The following LAMA2 variants were observed in gnomAD, a reference collection of about 807,000 sequenced individuals.
The protein encoded by LAMA2 is laminin subunit alpha-2.
A neutral mutation model predicts 364.8 loss-of-function variants in LAMA2; 269 were observed. That is an observed-to-expected ratio of 0.74 (90% CI 0.67 to 0.82). The LOEUF (loss-of-function observed/expected upper bound fraction) is 0.82, where lower values mean the gene tolerates loss of function less well. Ranked by LOEUF, LAMA2 falls within the 40% of genes least tolerant of loss-of-function variation. The pLI, the probability that LAMA2 is intolerant of heterozygous loss-of-function variation, is 0.00. For synonymous variants in LAMA2, 1,379 were observed against 1,370.6 expected (o/e 1.01, Z -0.14); for missense variants, 3,807 against 3,873.2 (o/e 0.98, Z 0.45).
At chr6:129,247,052 T>C (rs1716192459) in intron 12 of LAMA2, among the ~76,000 whole-genome samples, 2 of 151,628 alleles carry the variant, frequency 1.3e-5, no homozygotes, top group South Asian at 2.1e-4. Flanking sequence ...GATTGTGGAG[T>C]TGAAGGAAAA....
At position 129,401,290 on chromosome 6, in the gene LAMA2, A is replaced by G. The variant is rs771138153; in HGVS notation, c.5512A>G (p.Ile1838Val). 11 of 1,613,022 alleles carry G rather than the reference A, an allele frequency of 6.8e-6. No homozygotes were observed. The highest frequency in any genetic ancestry group is 1.3e-5 in the African/African-American group (1 of 74,902). Residue 1838 changes from isoleucine to valine, a missense_variant, in exon 38 of 65, where the codon ATA (isoleucine) becomes GTA (valine). Ile to Val is a conservative substitution (Grantham distance 29). Around this residue, in one of 3 missense-constraint regions of LAMA2, gnomAD observed 3,333 missense variants for 3,345.7 expected, o/e 1.00. Transcript: ENST00000421865. ...GAACACTTTAAAAGAGGGCAATGAC[A>G]TACTCGATGAAGCCAACCGTCTTGC... ...IENTLKEGND[I>V]LDEANRLADE...
rs140654844 is a variant in LAMA2, at chr6:129,284,379, T to G, written c.2538-3468T>G. ...GGGCCTAATCTGAGTTGGTTGCCCT[T>G]TTGTGTGCTGCCATAATAGCATTTG... is the stretch of plus-strand genomic sequence containing the variant. On this transcript the variant is annotated intron_variant, in intron 18 of 64. Transcript: ENST00000421865. Among the ~76,000 whole-genome samples, 530 of 152,214 alleles carry G rather than the reference T, an allele frequency of 3.5e-3. 1 individual carries two copies. Among genetic ancestry groups the G allele is most frequent in the Middle Eastern group, 6.8e-3 (2 of 294 alleles).
rs114484670 is a variant in LAMA2, at chr6:129,426,497, T to C, written c.5866-1255T>C. On this transcript the variant is annotated intron_variant, in intron 40 of 64. Coordinates refer to ENST00000421865, the MANE Select transcript of LAMA2 (RefSeq NM_000426.4). ...TTTTTTCCAAGATGAATGACACTTA[T>C]GTGATGTTACTGTATCTAATTCCCA... Among the ~76,000 whole-genome samples the C allele has an allele frequency of 2.9e-3, 434 of 152,180 alleles. 2 individuals are homozygous for C. The highest frequency in any genetic ancestry group is 9.9e-3 in the African/African-American group (411 of 41,546).
rs2114889192 is a variant in LAMA2 at position 129,502,780 on chromosome 6, C to T, written c.8357+9C>T. Reference sequence around the variant, plus strand: ...ACCAAAGTTAAAAACCGGTATGTATCATCCTGAGACACTGGGAAAGAACCG... The same window carrying T: ...ACCAAAGTTAAAAACCGGTATGTATTATCCTGAGACACTGGGAAAGAACCG... On this transcript the variant is annotated intron_variant, in intron 59 of 64. Coordinates refer to ENST00000421865, the MANE Select transcript of LAMA2 (RefSeq NM_000426.4). 1 of 1,525,070 alleles carries T rather than the reference C, an allele frequency of 6.6e-7. No homozygotes were observed. The highest frequency in any genetic ancestry group is 9.1e-7 in the Non-Finnish European group (1 of 1,099,152). The allele number at this position is 1,525,070 out of a possible 1,614,324, so 94.5% of individuals were successfully genotyped here.
chr6:129,249,364 T>A (rs1473750169), intron 12 of LAMA2, among the ~76,000 whole-genome samples: 1 of 152,232 alleles, frequency 6.6e-6, no homozygotes, highest in African/African-American at 2.4e-5. Flanking sequence ...ATTCCTGTCC[T>A]ATAAATGATC....
chr6:129,210,003 C>CAAAAAA (rs374127279), intron 12 of LAMA2, among the ~76,000 whole-genome samples: 4,231 of 67,338 alleles, frequency 0.063, 217 homozygotes, highest in African/African-American at 0.098. Context: ...GACTCCATCT[C>CAAAAAA]AAAAAAAAAA....
intron 14 of LAMA2, among the ~76,000 whole-genome samples, chr6:129,258,262 C>A (rs1023104639): frequency 2.0e-5 from 3 of 151,822 alleles, no homozygotes; most frequent in Non-Finnish European, 4.4e-5. Context: ...GATATATATC[C>A]AAAAGAACTG....
At chr6:128,933,270 G>GTGTGTGTGTGTGTGTGTCTGTC (rs1467169605) in intron 1 of LAMA2, among the ~76,000 whole-genome samples, 1 of 151,504 alleles carries the variant, frequency 6.6e-6, no homozygotes, top group Non-Finnish European at 1.5e-5. Context: ...GTGTGTCTGT[G>GTGTGTGTGTGTGTGTGTCTGTC]TGTCTGTGTA....
intron 1 of LAMA2, among the ~76,000 whole-genome samples, chr6:129,026,330 A>G (rs1785816044): frequency 6.6e-6 from 1 of 152,198 alleles, no homozygotes; most frequent in African/African-American, 2.4e-5. Flanking sequence ...TAACATTTTA[A>G]TTAAAATAAA....
chr6:129,325,372 C>T (rs954256855), intron 28 of LAMA2, among the ~76,000 whole-genome samples: 1 of 152,070 alleles, frequency 6.6e-6, no homozygotes. Flanking sequence ...TTAGATGGGA[C>T]TCAAAAAGTA....
rs1435152978 is a variant in LAMA2 at position 129,348,617 on chromosome 6, C to T, written c.4437-681C>T. On this transcript the variant is annotated intron_variant, in intron 30 of 64. Transcript: ENST00000421865. ...AGCAAGACAGACTGGCTGTGGTCTA[C>T]CAGCATTGTAGTAAAAACATTGGGG... 2.6e-5 allele frequency among the ~76,000 whole-genome samples: 4 copies of T among 151,616 alleles called. No individual in the cohort carries two copies. In the East Asian group the frequency reaches 7.8e-4, roughly 29 times the overall value.
intron 9 of LAMA2, among the ~76,000 whole-genome samples, chr6:129,168,881 A>T (rs1583175579): frequency 6.8e-6 from 1 of 147,234 alleles, no homozygotes; most frequent in Non-Finnish European, 1.5e-5. Context: ...GGTCCTTCAC[A>T]TCCCTTGTAA....
intron 3 of LAMA2, among the ~76,000 whole-genome samples, chr6:129,094,576 G>A (rs1775057807): frequency 6.6e-6 from 1 of 152,098 alleles, no homozygotes; most frequent in Non-Finnish European, 1.5e-5. Flanking sequence ...TGCATACTCA[G>A]TGCTTTCTAA....
chr6:129,169,634 G>T (rs1434544991), intron 9 of LAMA2, among the ~76,000 whole-genome samples: 5 of 148,358 alleles, frequency 3.4e-5, no homozygotes, highest in Non-Finnish European at 6.0e-5. Context: ...TTTTTTGGTT[G>T]TGTCTCTGCC....
At chr6:129,514,656 C>A in intron 64 of LAMA2, 61 bp downstream of exon 64, 2 of 1,316,514 alleles carry the variant, frequency 1.5e-6, no homozygotes, top group Non-Finnish European at 2.2e-6. Flanking sequence ...GTTTTGAAAA[C>A]ATTTATATTT....
rs189762710 is a variant in LAMA2, at chr6:129,063,099, C to T, written c.396+3203C>T. On this transcript the variant is annotated intron_variant, in intron 3 of 64. Coordinates refer to ENST00000421865, the MANE Select transcript of LAMA2 (RefSeq NM_000426.4). ...ATTTTGAGCAAGTGATTTAATCATG[C>T]TGTGCCTCAACTTCTAGATTAGCAG... Among the ~76,000 whole-genome samples, 15 of 152,076 alleles carry T rather than the reference C, an allele frequency of 9.9e-5. No homozygotes were observed. In the East Asian group the frequency reaches 1.9e-3, roughly 20 times the overall value.
chr6:129,396,831 G>A (rs1325229290), intron 37 of LAMA2, among the ~76,000 whole-genome samples: 3 of 151,904 alleles, frequency 2.0e-5, no homozygotes, highest in South Asian at 2.1e-4. Flanking sequence ...ACAAAAATTA[G>A]TCGGGCATGG....
chr6:129,185,282 T>G (rs1781161781), intron 10 of LAMA2, among the ~76,000 whole-genome samples: 2 of 151,894 alleles, frequency 1.3e-5, no homozygotes, highest in African/African-American at 4.8e-5. Context: ...ACGGTGACTA[T>G]TTCTCCAGAG....
intron 19 of LAMA2, among the ~76,000 whole-genome samples, chr6:129,290,177 G>A (rs937086762): frequency 6.6e-6 from 1 of 152,004 alleles, no homozygotes; most frequent in Admixed American, 6.6e-5. Flanking sequence ...ATTTAATTTT[G>A]TAGTTTACAC....
Sources: allele counts gnomAD v4.1 joint callset (sites outside exome capture counted in the v4.1 genomes callset), GRCh38; gene constraint gnomAD v4.1.1; regional missense constraint gnomAD v4.1.1; transcripts MANE v1.5; gene names NCBI Gene and HGNC (gene_info 2026-07-23, HGNC 2026-07-21).